The following CALN1 variants were observed in gnomAD, a reference collection of about 807,000 sequenced individuals.
CALN1 encodes the protein calcium-binding protein 8.
In CALN1, 17 loss-of-function variants were observed where a neutral mutation model predicts 30.6. That is an observed-to-expected ratio of 0.56 (90% CI 0.38 to 0.83). The LOEUF is 0.83. Among genes scored for constraint, CALN1 ranks in the 40% least tolerant of loss-of-function variants. The pLI is 0.00. For synonymous variants in CALN1, 156 were observed against 131.4 expected, an observed-to-expected ratio of 1.19 and a Z score of -1.28; for missense variants, 291 against 354.9, an observed-to-expected ratio of 0.82 and a Z score of 1.45.
At chr7:72,318,006 T>C (rs989294803) in intron 2 of CALN1, among the ~76,000 whole-genome samples, 1 of 152,248 alleles carries the variant, frequency 6.6e-6, no homozygotes. Context: ...GTATGGGACC[T>C]GAGTGTTATT....
intron 5 of CALN1, among the ~76,000 whole-genome samples, chr7:71,907,861 G>A (rs529556096): frequency 8.2e-4 from 125 of 152,284 alleles, no homozygotes; most frequent in African/African-American, 2.6e-3. Context: ...CTTGTCATGC[G>A]CTTATTTTGT....
At chr7:72,409,832 C>T (rs983051185) in intron 1 of CALN1, among the ~76,000 whole-genome samples, 2 of 152,074 alleles carry the variant, frequency 1.3e-5, no homozygotes. Flanking sequence ...CTTTTAACCA[C>T]GTTGGGCATC....
chr7:72,359,303 T>C (rs1585575331), intron 2 of CALN1, among the ~76,000 whole-genome samples: 1 of 152,198 alleles, frequency 6.6e-6, no homozygotes, highest in Admixed American at 6.5e-5. Flanking sequence ...TATTCCAATG[T>C]GAAAAACAAT....
chr7:72,165,701 A>G (rs1788475257), intron 3 of CALN1, among the ~76,000 whole-genome samples: 1 of 152,108 alleles, frequency 6.6e-6, no homozygotes, highest in East Asian at 1.9e-4. Context: ...CCATGGTACT[A>G]ACATTTAAAA....
At chr7:72,170,997 A>G (rs1788913328) in intron 3 of CALN1, among the ~76,000 whole-genome samples, 1 of 152,066 alleles carries the variant, frequency 6.6e-6, no homozygotes, top group South Asian at 2.1e-4. Flanking sequence ...GTGTTACAAA[A>G]TATACAAAAA....
intron 2 of CALN1, among the ~76,000 whole-genome samples, chr7:72,375,380 T>C (rs2944792): frequency 0.36 from 54,724 of 151,464 alleles, 10,742 homozygotes; most frequent in Middle Eastern, 0.53. Flanking sequence ...CTGGGCAACA[T>C]AGTAAGACCC....
intron 3 of CALN1, among the ~76,000 whole-genome samples, chr7:72,123,932 T>A (rs1423316624): frequency 6.6e-6 from 1 of 151,966 alleles, no homozygotes; most frequent in Non-Finnish European, 1.5e-5. Context: ...GCTTGAAAAA[T>A]AAATCTGAAA....
intron 6 of CALN1, among the ~76,000 whole-genome samples, chr7:71,805,104 A>G (rs898841129): frequency 1.3e-5 from 2 of 152,174 alleles, no homozygotes; most frequent in Non-Finnish European, 2.9e-5. Context: ...TCCCACCTCC[A>G]GCTCTCCTGA....
chr7:71,921,506 T>C (rs139115508), intron 5 of CALN1, among the ~76,000 whole-genome samples: 29 of 152,204 alleles, frequency 1.9e-4, no homozygotes, highest in African/African-American at 6.3e-4. Flanking sequence ...ATATTGCAAT[T>C]ATATAAATGA....
At chr7:71,971,452 AAAAC>A (rs903333919) in intron 5 of CALN1, among the ~76,000 whole-genome samples, 55 of 152,276 alleles carry the variant, frequency 3.6e-4, no homozygotes, top group East Asian at 7.7e-4. Context: ...CTCTGCCTCA[AAAAC>A]AAACAAACAA....
intron 5 of CALN1, among the ~76,000 whole-genome samples, chr7:71,955,545 G>A (rs1361842960): frequency 6.6e-6 from 1 of 152,084 alleles, no homozygotes; most frequent in African/African-American, 2.4e-5. Context: ...TGGCACAGCA[G>A]GGGTTCAAAT....
At chr7:72,424,119 T>A (rs1019680743) in intron 1 of CALN1, among the ~76,000 whole-genome samples, 1 of 152,052 alleles carries the variant, frequency 6.6e-6, no homozygotes, top group African/African-American at 2.4e-5. Flanking sequence ...TTCCTATCCC[T>A]TAGCAGGAGC....
chr7:72,205,826 TTTAATCCAAATTCAATTAA>T (rs1435485708), intron 3 of CALN1, among the ~76,000 whole-genome samples: 1 of 151,868 alleles, frequency 6.6e-6, no homozygotes, highest in Non-Finnish European at 1.5e-5. Flanking sequence ...TATTTAACTC[TTTAATCCAAATTCAATTAA>T]TTGTATGCTT....
At chr7:72,048,545 C>T (rs1391205179) in intron 4 of CALN1, among the ~76,000 whole-genome samples, 1 of 152,150 alleles carries the variant, frequency 6.6e-6, no homozygotes, top group African/African-American at 2.4e-5. Flanking sequence ...TTTACTTATA[C>T]ACTTAGACTT....
intron 3 of CALN1, among the ~76,000 whole-genome samples, chr7:72,152,148 C>T (rs945277688): frequency 5.3e-5 from 8 of 151,942 alleles, no homozygotes; most frequent in African/African-American, 1.7e-4. Context: ...TCAAGTGAGA[C>T]GCCTGCCTTG....
chr7:72,373,150 C>T (rs574336053), intron 2 of CALN1, among the ~76,000 whole-genome samples: 2 of 152,034 alleles, frequency 1.3e-5, no homozygotes, highest in African/African-American at 2.4e-5. Flanking sequence ...ATGACATAAC[C>T]GAAGAAAGAG....
intron 1 of CALN1, among the ~76,000 whole-genome samples, chr7:72,403,850 T>C (rs926584281): frequency 6.6e-6 from 1 of 152,118 alleles, no homozygotes; most frequent in African/African-American, 2.4e-5. Flanking sequence ...CCACAGAAAC[T>C]AAATGGGGGA....
intron 5 of CALN1, among the ~76,000 whole-genome samples, chr7:71,826,032 CAAAAAAAAAA>C (rs57512202): frequency 2.3e-5 from 1 of 43,846 alleles, no homozygotes; most frequent in African/African-American, 8.4e-5. Flanking sequence ...GACTCTGTCT[CAAAAAAAAAA>C]AAAAAAAAAA....
intron 2 of CALN1, among the ~76,000 whole-genome samples, chr7:72,294,433 G>A (rs918017665): frequency 7.2e-5 from 11 of 152,060 alleles, no homozygotes; most frequent in African/African-American, 2.4e-4. Context: ...TCATAGCACT[G>A]TAAAGTAAAA....
Sources: allele counts gnomAD v4.1 joint callset (sites outside exome capture counted in the v4.1 genomes callset), GRCh38; gene constraint gnomAD v4.1.1; transcripts MANE v1.5; gene names NCBI Gene and HGNC (gene_info 2026-07-23, HGNC 2026-07-21).